EVPL: variants seen among roughly 807,000 people sequenced by gnomAD.
EVPL encodes 210 kDa cornified envelope precursor protein.
Under a neutral mutation model 129.7 loss-of-function variants are expected in EVPL, and 94 were observed. That is an observed-to-expected ratio of 0.72 (90% CI 0.61 to 0.86). EVPL has a LOEUF of 0.86. Among genes scored for constraint, EVPL ranks in the 40% least tolerant of loss-of-function variants. The probability of loss-of-function intolerance (pLI) is 0.00; values close to 1 mark genes in which losing one functional copy is unlikely to be tolerated. For missense variants in EVPL, 2,625 were observed against 2,721.1 expected, an observed-to-expected ratio of 0.96 and a Z score of 0.79; for synonymous variants, 1,172 against 1,191.1, an observed-to-expected ratio of 0.98 and a Z score of 0.33.
intron 10 of EVPL, 71 bp downstream of exon 10, chr17:76,019,457 T>G: frequency 2.0e-6 from 3 of 1,488,756 alleles, no homozygotes; most frequent in Non-Finnish European, 2.7e-6. Flanking sequence ...GCAGAAGGGG[T>G]GAGGCCCAGA....
At position 76,008,490 on chromosome 17, in the gene EVPL, C is replaced by A. The variant is rs1213641169; in HGVS notation, c.4715G>T (p.Arg1572Ile). ...CTCGGACTCCTCCCGGGACCAGGTT[C>A]TCCCCAGCGTCTCGGCCCGGTCAAT... Reference protein sequence around the residue: ...ERIDRAETLGRTWSREESELQ... With the variant: ...ERIDRAETLGITWSREESELQ... Residue 1572 changes from arginine (R) to isoleucine (I), a missense_variant, in exon 22 of 22, where the codon AGA (arginine) becomes ATA (isoleucine). Physicochemically the swap from Arg to Ile is moderately conservative, Grantham distance 97. Transcript: ENST00000301607. The surrounding 1 kb of genome is among the most constrained non-coding windows in gnomAD (Gnocchi z 7.4). 8 of 1,600,978 alleles carry A rather than the reference C, an allele frequency of 5.0e-6. No homozygotes were observed. The African/African-American group carries it at 8.0e-5, about 16-fold the overall frequency.
In EVPL at chr17:76,014,885, C is replaced by G. The variant is rs369677041; in HGVS notation, c.2222+31G>C. Reference sequence around the variant, plus strand: ...CAATGCCTGGCTCTGCACCAGCCCACACCCTGTGCCCCGAGGACCCAGTCG... The same window carrying G: ...CAATGCCTGGCTCTGCACCAGCCCAGACCCTGTGCCCCGAGGACCCAGTCG... On this transcript the variant is annotated intron_variant, in intron 17 of 21. Transcript: ENST00000301607. The G allele has an allele frequency of 5.8e-6, 9 of 1,558,118 alleles. No individual in the cohort carries two copies. The African/African-American group carries it at 1.2e-4, about 21-fold the overall frequency.
In EVPL at chr17:76,006,887, G is replaced by A. The variant is rs1006366209; in HGVS notation, c.*216C>T. ...TCGTTTATTGGGATCACTGGGTGGA[G>A]GTGGAGGAAGAACTGAGTGGCTGCT... On this transcript the variant is annotated 3_prime_UTR_variant, in exon 22 of 22. Transcript: ENST00000301607. 4.7e-6 allele frequency: 2 copies of A among 430,016 alleles called. No homozygotes were observed. Among genetic ancestry groups the A allele is most frequent in the Non-Finnish European group, 7.9e-6 (2 of 252,988 alleles). The allele number at this position is 430,016 out of a possible 1,614,324, so 26.6% of individuals were successfully genotyped here.
chr17:76,027,277 G>A lies in EVPL; in HGVS notation c.-79C>T, dbSNP rs1185168784. On this transcript the variant is annotated 5_prime_UTR_variant, in exon 1 of 22. In the 5' UTR this introduces an upstream ATG that the reference lacks. Coordinates refer to ENST00000301607, the MANE Select transcript of EVPL (RefSeq NM_001988.4). ...GGAGGGCAGGTGGGAGGCAGCGGGC[G>A]TCCTCACTGGCTGGTCAGCTAAGTC... 19 of 1,015,230 alleles carry A rather than the reference G, an allele frequency of 1.9e-5. No individual in the cohort carries two copies. The highest frequency in any genetic ancestry group is 2.6e-5 in the Non-Finnish European group (17 of 645,170). The allele number at this position is 1,015,230 out of a possible 1,614,324, so 62.9% of individuals were successfully genotyped here.
rs766131192 is a variant in EVPL, at chr17:76,008,547, C to T, written c.4658G>A (p.Arg1553Gln). The T allele has an allele frequency of 9.3e-6, 15 of 1,608,156 alleles. No individual in the cohort carries two copies. Among genetic ancestry groups the T allele is most frequent in the Middle Eastern group, 1.6e-4 (1 of 6,082 alleles). ...LNRERTARQA[R>Q]EEEARRLRER... ...CCGCAGGCGCCGTGCCTCCTCCTCCCGGGCCTGCCGGGCCGTGCGCTCCCT... is the reference window on the plus strand; with the variant it reads ...CCGCAGGCGCCGTGCCTCCTCCTCCTGGGCCTGCCGGGCCGTGCGCTCCCT... The change falls in exon 22 of 22, where the codon CGG becomes CAG. Residue 1553 changes from arginine (R) to glutamine (Q), a missense_variant. Physicochemically the swap from Arg to Gln is conservative, Grantham distance 43. Coordinates refer to ENST00000301607, the MANE Select transcript of EVPL (RefSeq NM_001988.4). This position sits in a 1 kb window ranked among gnomAD's most constrained non-coding sequence, Gnocchi z 7.4.
In EVPL at chr17:76,008,908, GCTT is replaced by G. The variant is rs758416149; in HGVS notation, c.4294_4296del (p.Lys1432del). ...TGCCGCAGCTCCCTCTCCACGGCCAGCTTCTTGCTGCGGTCCTCCTGGAAGCTG... is the reference window on the plus strand; with the variant it reads ...TGCCGCAGCTCCCTCTCCACGGCCAGCTTGCTGCGGTCCTCCTGGAAGCTG... On this transcript the variant is annotated inframe_deletion, in exon 22 of 22. Coordinates refer to ENST00000301607, the MANE Select transcript of EVPL (RefSeq NM_001988.4). The surrounding 1 kb of genome is among the most constrained non-coding windows in gnomAD (Gnocchi z 7.4). The G allele has an allele frequency of 6.2e-7, 1 of 1,613,420 alleles. No homozygotes were observed. The highest frequency in any genetic ancestry group is 8.5e-7 in the Non-Finnish European group (1 of 1,180,016).
rs1439233804 is a variant in EVPL, at chr17:76,008,725, C to G, written c.4480G>C (p.Glu1494Gln). The part of the protein sequence containing the change: ...DLDQEKTQVT[E>Q]LNRECKNLQV... ...AGGTTCTTGCACTCCCGATTCAGCTCGGTTACCTGGGTCTTCTCCTGGTCC... is the reference window on the plus strand; with the variant it reads ...AGGTTCTTGCACTCCCGATTCAGCTGGGTTACCTGGGTCTTCTCCTGGTCC... Residue 1494 changes from glutamate (E) to glutamine (Q), a missense_variant, in exon 22 of 22, where the codon GAG (glutamate) becomes CAG (glutamine). This residue lies in a region of EVPL where 1,453 missense variants were observed against 1,511.8 expected (regional missense o/e 0.96). Transcript: ENST00000301607. The surrounding 1 kb of genome is among the most constrained non-coding windows in gnomAD (Gnocchi z 7.4). 1.2e-6 allele frequency: 2 copies of G among 1,613,976 alleles called. No homozygotes were observed. The highest frequency in any genetic ancestry group is 4.5e-5 in the East Asian group (2 of 44,866).
chr17:76,007,365 G>A lies in EVPL; in HGVS notation c.5840C>T (p.Pro1947Leu). The change falls in exon 22 of 22, where the codon CCC becomes CTC. Residue 1947 changes from proline to leucine, a missense_variant. Pro to Leu is a moderately conservative substitution (Grantham distance 98). Around this residue, in one of 4 missense-constraint regions of EVPL, gnomAD observed 1,453 missense variants for 1,511.8 expected, o/e 0.96. Coordinates refer to ENST00000301607, the MANE Select transcript of EVPL (RefSeq NM_001988.4). The surrounding 1 kb of genome is among the most constrained non-coding windows in gnomAD (Gnocchi z 8.8). Reference protein sequence around the residue: ...VQHLTGGLIDPKRTGRIPIQQ... With the variant: ...VQHLTGGLIDLKRTGRIPIQQ... ...GATGGGGATGCGGCCTGTCCTCTTGGGGTCGATGAGCCCCCCGGTCAGGTG... is the reference window on the plus strand; with the variant it reads ...GATGGGGATGCGGCCTGTCCTCTTGAGGTCGATGAGCCCCCCGGTCAGGTG... The A allele has an allele frequency of 6.3e-7, 1 of 1,593,618 alleles. No homozygotes were observed.
rs530185004 is a variant in EVPL, at chr17:76,013,369, A to G, written c.2373+1057T>C. ...CAGTCCCAGACCCATCTTTGCTCTCACGAGCTCCTAGGGGAACCCCCAGCC... is the reference window on the plus strand; with the variant it reads ...CAGTCCCAGACCCATCTTTGCTCTCGCGAGCTCCTAGGGGAACCCCCAGCC... On this transcript the variant is annotated intron_variant, in intron 18 of 21. Coordinates refer to ENST00000301607, the MANE Select transcript of EVPL (RefSeq NM_001988.4). The surrounding 1 kb of genome is among the most constrained non-coding windows in gnomAD (Gnocchi z 4.3). 6.6e-6 allele frequency among the ~76,000 whole-genome samples: 1 copy of G among 152,116 alleles called. No individual in the cohort carries two copies. Among genetic ancestry groups the G allele is most frequent in the East Asian group, 1.9e-4 (1 of 5,168 alleles).
intron 18 of EVPL, 184 bp from the exon 19 acceptor site, chr17:76,012,273 T>G: frequency 1.8e-6 from 1 of 555,060 alleles, no homozygotes; most frequent in Non-Finnish European, 3.2e-6. Flanking sequence ...TTTTCCTCCT[T>G]CCTCTCCGAG....
At chr17:76,023,194 C>T in intron 4 of EVPL, 98 bp downstream of exon 4, 2 of 1,568,468 alleles carry the variant, frequency 1.3e-6, no homozygotes, top group Middle Eastern at 2.2e-4. Context: ...TGAGCCACCC[C>T]TACACCCTGA....
At position 76,007,323 on chromosome 17, in the gene EVPL, G is replaced by T. The variant is rs1196252863; in HGVS notation, c.5882C>A (p.Ser1961Tyr). The T allele has an allele frequency of 6.4e-7, 1 of 1,562,798 alleles. No individual in the cohort carries two copies. Among genetic ancestry groups the T allele is most frequent in the Admixed American group, 1.9e-5 (1 of 53,952 alleles). ...GRIPIQQALL[S>Y]GMISEELAQL... ...GGCCAGCTCTTCACTGATCATCCCG[G>T]AGAGGAGGGCCTGCTGGATGGGGAT... Residue 1961 changes from serine to tyrosine, a missense_variant, in exon 22 of 22, where the codon TCC becomes TAC. This residue lies in a region of EVPL where 1,453 missense variants were observed against 1,511.8 expected (regional missense o/e 0.96). Coordinates refer to ENST00000301607, the MANE Select transcript of EVPL (RefSeq NM_001988.4). This position sits in a 1 kb window ranked among gnomAD's most constrained non-coding sequence, Gnocchi z 8.8.
At chr17:76,019,754 A>C (rs1043801394) in intron 9 of EVPL, 101 bp from the exon 10 acceptor site, 1 of 1,424,916 alleles carries the variant, frequency 7.0e-7, no homozygotes, top group African/African-American at 1.6e-5. Flanking sequence ...AAAGCAGCTA[A>C]ACCTAAACCA....
rs780637811 is a variant in EVPL at position 76,014,890 on chromosome 17, TGTGCCCCGAGGACCCA to T, written c.2222+10_2222+25del. Reference sequence around the variant, plus strand: ...CCTGGCTCTGCACCAGCCCACACCCTGTGCCCCGAGGACCCAGTCGCTCACCGCAGGTCCAGCTGGT... The same window carrying T: ...CCTGGCTCTGCACCAGCCCACACCCTGTCGCTCACCGCAGGTCCAGCTGGT... On this transcript the variant is annotated intron_variant, in intron 17 of 21. Coordinates refer to ENST00000301607, the MANE Select transcript of EVPL (RefSeq NM_001988.4). 9 of 1,562,706 alleles carry T rather than the reference TGTGCCCCGAGGACCCA, an allele frequency of 5.8e-6. No individual in the cohort carries two copies. In the African/African-American group the frequency reaches 8.1e-5, roughly 14 times the overall value.
At chr17:76,010,683 C>T in intron 21 of EVPL, 140 bp from the exon 22 acceptor site, 2 of 903,386 alleles carry the variant, frequency 2.2e-6, no homozygotes, top group Admixed American at 2.9e-5. Flanking sequence ...ACCTAAGATG[C>T]TTGGATATAG....
chr17:76,008,771 C>G lies in EVPL; in HGVS notation c.4434G>C (p.Thr1478=), dbSNP rs1055303658. ...LEKDPDLEKS[T]EALRWDLDQE... ...GGTCCAGGTCCCACCGCAGGGCTTCCGTGGACTTCTCCAGGTCCGGGTCCT... is the reference window on the plus strand; with the variant it reads ...GGTCCAGGTCCCACCGCAGGGCTTCGGTGGACTTCTCCAGGTCCGGGTCCT... The change falls in exon 22 of 22, where the codon ACG becomes ACC. Residue 1478 remains threonine, a synonymous_variant. Transcript: ENST00000301607. The surrounding 1 kb of genome is among the most constrained non-coding windows in gnomAD (Gnocchi z 7.4). 6.2e-7 allele frequency: 1 copy of G among 1,614,156 alleles called. No individual in the cohort carries two copies. Among genetic ancestry groups the G allele is most frequent in the Non-Finnish European group, 8.5e-7 (1 of 1,180,038 alleles).
chr17:76,016,729 C>T (rs1351598343), intron 14 of EVPL, among the ~76,000 whole-genome samples: 2 of 152,156 alleles, frequency 1.3e-5, no homozygotes, highest in Non-Finnish European at 2.9e-5. Context: ...GCCTGGGCAA[C>T]ATGGCAAAAC....
chr17:76,015,428 G>T, intron 15 of EVPL, 22 bp downstream of exon 15: 5 of 1,608,044 alleles, frequency 3.1e-6, no homozygotes, highest in Non-Finnish European at 4.2e-6. Flanking sequence ...CTGCGTGGCT[G>T]CCCTGTCCCC....
intron 20 of EVPL, 32 bp from the exon 21 acceptor site, chr17:76,011,700 G>A (rs376292588): frequency 7.5e-5 from 121 of 1,612,454 alleles, no homozygotes; most frequent in Non-Finnish European, 1.0e-4. Context: ...GGGAAGGGCA[G>A]AGTCAGCTCC....
Sources: gnomAD v4.1 joint callset for allele counts (sites outside exome capture counted in the v4.1 genomes callset) on GRCh38, gnomAD v4.1.1 for gene constraint, gnomAD v4.1.1 regional missense constraint, Gnocchi (gnomAD v3.1) non-coding constraint, MANE v1.5 for transcripts, NCBI Gene and HGNC (gene_info 2026-07-23, HGNC 2026-07-21) for gene names.